ZFHX3: variants seen among roughly 807,000 people sequenced by gnomAD.
ZFHX3 encodes zinc finger homeobox 3.
A neutral mutation model predicts 279.1 loss-of-function variants in ZFHX3; 42 were observed. The observed-to-expected ratio is 0.15, with a 90% CI of 0.12 to 0.19. ZFHX3 has a LOEUF of 0.19. ZFHX3 is among the 10% of genes least tolerant of loss of function. ZFHX3 has a pLI of 1.00. For synonymous variants in ZFHX3, 2,293 were observed against 1,957.8 expected (o/e 1.17, Z -4.52); for missense variants, 4,981 against 4,754.0 (o/e 1.05, Z -1.40).
Position 72,921,618 on chromosome 16 carries a change from T to C in ZFHX3, c.3216+28851A>G, listed in dbSNP as rs535873139. Among the ~76,000 whole-genome samples, 22 of 152,336 alleles carry C rather than the reference T, an allele frequency of 1.4e-4. No individual in the cohort carries two copies. The South Asian group carries it at 4.1e-3, about 29-fold the overall frequency. ...CGGTGAGAAGCATGATGGAGACAGT[T>C]GGCGTGGCCTCGCCTTCCCCCAATG... On this transcript the variant is annotated intron_variant, in intron 3 of 9. Coordinates refer to ENST00000268489, the MANE Select transcript of ZFHX3 (RefSeq NM_006885.4).
At position 73,687,846 on chromosome 16, in the gene ZFHX3, CAAA is replaced by C. The variant is rs535371406; in HGVS notation, c.-1607-7609_-1607-7607del. Among the ~76,000 whole-genome samples, 383 of 63,886 alleles carry C rather than the reference CAAA, an allele frequency of 6.0e-3. 1 individual carries two copies. The highest frequency in any genetic ancestry group is 0.016 in the African/African-American group (290 of 18,234). The allele number at this position is 63,886 out of a possible 152,430, so 41.9% of individuals were successfully genotyped here. On this transcript the variant is annotated intron_variant, in intron 1 of 17. Transcript: ENST00000641206. ...CTGGTGACAGAGCAAGACTCTGTCT[CAAA>C]AAAAAAAAAAAAAAAAAAAACAGAT...
intron 1 of ZFHX3, among the ~76,000 whole-genome samples, chr16:73,839,085 T>C (rs1360394683): frequency 1.3e-5 from 2 of 151,890 alleles, no homozygotes; most frequent in Non-Finnish European, 2.9e-5. Flanking sequence ...GCAGCTCCCC[T>C]TACAGAGCTA....
intron 2 of ZFHX3, among the ~76,000 whole-genome samples, chr16:73,591,803 T>C (rs145912851): frequency 1.6e-5 from 2 of 124,160 alleles, no homozygotes; most frequent in South Asian, 2.8e-4. Context: ...TGGATGTGGA[T>C]CTTGATTCAA....
chr16:73,668,724 AAAAC>A (rs993482688), intron 2 of ZFHX3, among the ~76,000 whole-genome samples: 1 of 152,126 alleles, frequency 6.6e-6, no homozygotes, highest in Non-Finnish European at 1.5e-5. Context: ...TTACAAGAAA[AAAAC>A]AACCCCATCA....
chr16:73,205,310 C>T (rs893898939), intron 5 of ZFHX3, among the ~76,000 whole-genome samples: 3 of 152,204 alleles, frequency 2.0e-5, no homozygotes, highest in African/African-American at 7.2e-5. Flanking sequence ...TATGACTATA[C>T]ATAAATTAGT....
Position 73,718,148 on chromosome 16 carries a change from C to A in ZFHX3, c.-1607-37908G>T, listed in dbSNP as rs112019927. 2.0e-5 allele frequency among the ~76,000 whole-genome samples: 3 copies of A among 152,322 alleles called. No individual in the cohort carries two copies. In the East Asian group the frequency reaches 5.8e-4, roughly 29 times the overall value. ...CAAGTGAGCTGGGCACGGTGGCTCA[C>A]GCCTGTAATCCCAACACTTTGGGAA... On this transcript the variant is annotated intron_variant, in intron 1 of 17. Transcript: ENST00000641206.
chr16:73,809,012 G>C (rs369074619), intron 1 of ZFHX3, among the ~76,000 whole-genome samples: 14 of 152,282 alleles, frequency 9.2e-5, no homozygotes, highest in African/African-American at 3.1e-4. Context: ...TGTGTTGCTT[G>C]GCTTGGGTTT....
intron 1 of ZFHX3, among the ~76,000 whole-genome samples, chr16:73,726,315 G>A (rs905166616): frequency 2.0e-5 from 3 of 152,182 alleles, no homozygotes; most frequent in African/African-American, 7.2e-5. Flanking sequence ...ATGGCACCCA[G>A]AGGACATATT....
intron 1 of ZFHX3, among the ~76,000 whole-genome samples, chr16:72,969,220 AAAGG>A (rs1961990634): frequency 6.6e-6 from 1 of 152,196 alleles, no homozygotes; most frequent in Non-Finnish European, 1.5e-5. Context: ...GAGCTTCAAA[AAAGG>A]AAGTGGCTGT....
chr16:73,627,835 T>C (rs1159595853), intron 2 of ZFHX3, among the ~76,000 whole-genome samples: 1 of 152,124 alleles, frequency 6.6e-6, no homozygotes, highest in Non-Finnish European at 1.5e-5. Flanking sequence ...GGAGAATCAC[T>C]TGAACCCAGG....
intron 5 of ZFHX3, among the ~76,000 whole-genome samples, chr16:73,224,272 G>A (rs1217649765): frequency 6.6e-6 from 1 of 152,180 alleles, no homozygotes; most frequent in African/African-American, 2.4e-5. Context: ...CAACACACGT[G>A]TGAAGACAGA....
At chr16:73,858,242 A>C (rs1961790341) in intron 1 of ZFHX3, among the ~76,000 whole-genome samples, 1 of 152,216 alleles carries the variant, frequency 6.6e-6, no homozygotes, top group Non-Finnish European at 1.5e-5. Context: ...CAAATCTAGT[A>C]AACAGTGATA....
chr16:73,660,267 GGA>G (rs2052767345), intron 2 of ZFHX3, among the ~76,000 whole-genome samples: 1 of 152,140 alleles, frequency 6.6e-6, no homozygotes, highest in Non-Finnish European at 1.5e-5. Flanking sequence ...TAAAAGCAAA[GGA>G]TTTCTATGGA....
exon 1 of ZFHX3, chr16:73,058,940 C>CGGGAGGAGGAGG: frequency 6.2e-6 from 1 of 160,082 alleles, no homozygotes; most frequent in Non-Finnish European, 1.3e-5. Flanking sequence ...CGGCTGCGGC[C>CGGGAGGAGGAGG]GGGAGGAGGA....
At chr16:73,811,075 G>T (rs1960412667) in intron 1 of ZFHX3, among the ~76,000 whole-genome samples, 2 of 150,134 alleles carry the variant, frequency 1.3e-5, no homozygotes, top group African/African-American at 4.9e-5. Flanking sequence ...ATATCAAATA[G>T]AAAAAAAAAA....
intron 3 of ZFHX3, among the ~76,000 whole-genome samples, chr16:73,371,607 G>T (rs8063705): frequency 0.39 from 59,504 of 151,804 alleles, 15,519 homozygotes; most frequent in African/African-American, 0.75. Flanking sequence ...CTGGTGCACC[G>T]GGTGTACCCC....
intron 8 of ZFHX3, among the ~76,000 whole-genome samples, chr16:73,076,935 A>G (rs1179276001): frequency 6.6e-6 from 1 of 152,204 alleles, no homozygotes. Flanking sequence ...CCATATCTGA[A>G]TAATCAAAAC....
At chr16:73,770,250 C>T (rs529246359) in intron 1 of ZFHX3, among the ~76,000 whole-genome samples, 69 of 152,304 alleles carry the variant, frequency 4.5e-4, no homozygotes, top group African/African-American at 1.6e-3. Flanking sequence ...AAATACTCTG[C>T]CAGCCATTGC....
Position 72,796,373 on chromosome 16 carries a change from C to T in ZFHX3, c.6309G>A (p.Gln2103=), listed in dbSNP as rs2035901906. The T allele has an allele frequency of 1.2e-6, 2 of 1,613,708 alleles. No individual in the cohort carries two copies. The highest frequency in any genetic ancestry group is 1.6e-4 in the Middle Eastern group (1 of 6,084). ...CCGGCAAGGTCTGCAGCGGCATCGT[C>T]TGCATCATCAGCGGCGAGAAGATGG... ...ELPIFSPLMM[Q]TMPLQTLPAQ... The change falls in exon 9 of 10, where the codon CAG becomes CAA. Residue 2103 remains glutamine, a synonymous_variant. Coordinates refer to ENST00000268489, the MANE Select transcript of ZFHX3 (RefSeq NM_006885.4).
Sources: gnomAD v4.1 joint callset for allele counts (sites outside exome capture counted in the v4.1 genomes callset) on GRCh38, gnomAD v4.1.1 for gene constraint, MANE v1.5 for transcripts, NCBI Gene and HGNC (gene_info 2026-07-23, HGNC 2026-07-21) for gene names.